Variants in SNX29 observed in about 807,000 individuals in gnomAD.
SNX29 encodes the protein sorting nexin 29.
A neutral mutation model predicts 102.1 loss-of-function variants in SNX29; 78 were observed. The ratio of observed to expected loss-of-function variants is 0.76; its 90% CI spans 0.64 to 0.92. The LOEUF (loss-of-function observed/expected upper bound fraction) is 0.92, where lower values mean the gene tolerates loss of function less well. SNX29 is among the 40% of genes least tolerant of loss of function. The probability of loss-of-function intolerance (pLI) is 0.00; values close to 1 mark genes in which losing one functional copy is unlikely to be tolerated. For synonymous variants in SNX29, 580 were observed against 414.5 expected (o/e 1.40, Z -4.85); for missense variants, 1,280 against 1,061.7 (o/e 1.21, Z -2.86).
At chr16:12,553,169 G>A (rs1178858591) in intron 20 of SNX29, among the ~76,000 whole-genome samples, 6 of 152,168 alleles carry the variant, frequency 3.9e-5, no homozygotes, top group East Asian at 3.9e-4. Flanking sequence ...GGGATTTTTG[G>A]ATCTTTAAGT....
intron 15 of SNX29, among the ~76,000 whole-genome samples, chr16:12,315,699 G>A (rs2080710299): frequency 6.6e-6 from 1 of 152,144 alleles, no homozygotes; most frequent in Non-Finnish European, 1.5e-5. Flanking sequence ...CTACAACTGT[G>A]GGAAGTAGAT....
intron 15 of SNX29, among the ~76,000 whole-genome samples, chr16:12,311,616 C>A (rs114738836): frequency 6.6e-6 from 1 of 152,246 alleles, no homozygotes; most frequent in East Asian, 1.9e-4. Flanking sequence ...CTTGAGATGG[C>A]GTGGCTGGCC....
At chr16:12,421,532 G>A (rs77932920) in intron 18 of SNX29, among the ~76,000 whole-genome samples, 1,776 of 152,262 alleles carry the variant, frequency 0.012, 41 homozygotes, top group African/African-American at 0.04. Flanking sequence ...GAAAACACTG[G>A]CCTCTTACTC....
chr16:12,025,296 C>G (rs374775572), intron 3 of SNX29, among the ~76,000 whole-genome samples: 1,085 of 99,250 alleles, frequency 0.011, 14 homozygotes, highest in African/African-American at 0.048. Context: ...GAGCAAAACT[C>G]CATCTCAAAA....
intron 13 of SNX29, among the ~76,000 whole-genome samples, chr16:12,187,676 C>CAACCCCCTT (rs2076544617): frequency 1.3e-5 from 2 of 152,038 alleles, no homozygotes; most frequent in Admixed American, 6.5e-5. Flanking sequence ...GTTCTCCCCC[C>CAACCCCCTT]AACCCCCTTT....
chr16:12,455,264 G>A (rs1298897123), intron 18 of SNX29, among the ~76,000 whole-genome samples: 2 of 152,180 alleles, frequency 1.3e-5, no homozygotes, highest in African/African-American at 4.8e-5. Context: ...GTCTACGCCT[G>A]GGGTTTCTAA....
intron 19 of SNX29, among the ~76,000 whole-genome samples, chr16:12,512,749 C>A (rs115847631): frequency 0.028 from 4,193 of 152,166 alleles, 137 homozygotes; most frequent in African/African-American, 0.077. Context: ...GTTCACTTCT[C>A]CTCACAGGGC....
At chr16:12,041,364 G>A (rs890220136) in intron 4 of SNX29, among the ~76,000 whole-genome samples, 34 of 152,156 alleles carry the variant, frequency 2.2e-4, no homozygotes, top group African/African-American at 9.7e-5. Flanking sequence ...CGCTCGCATC[G>A]GCCTCCCGGA....
Position 12,329,759 on chromosome 16 carries a change from C to G in SNX29, c.1783-26404C>G, listed in dbSNP as rs2151207180. Among the ~76,000 whole-genome samples, 3 of 152,370 alleles carry G rather than the reference C, an allele frequency of 2.0e-5. 1 individual carries two copies. The Middle Eastern group carries it at 0.01, about 518-fold the overall frequency. On this transcript the variant is annotated intron_variant, in intron 15 of 20. Transcript: ENST00000566228. ...CAGGTGGGATTGAGGTGTTGGCACA[C>G]ATGCCAAGTGGCCCTTCTCTTTTCA...
At chr16:12,291,530 CA>C (rs2079795008) in intron 15 of SNX29, among the ~76,000 whole-genome samples, 1 of 152,202 alleles carries the variant, frequency 6.6e-6, no homozygotes, top group Non-Finnish European at 1.5e-5. Flanking sequence ...CAAACCATAT[CA>C]GTAGGTTTTC....
chr16:12,416,171 G>C (rs8055612), intron 18 of SNX29, among the ~76,000 whole-genome samples: 2,041 of 152,288 alleles, frequency 0.013, 48 homozygotes, highest in African/African-American at 0.046. Context: ...TCTGACCCCA[G>C]AGACTGCTCA....
chr16:12,574,090 G>A lies in SNX29; in HGVS notation c.*5461G>A, dbSNP rs144171185. ...AGTCTGTGGAAACGCCCTGAAACCT[G>A]TAGTATTATCTTAACTACCCTCTTA... is the stretch of plus-strand genomic sequence containing the variant. On this transcript the variant is annotated 3_prime_UTR_variant, in exon 21 of 21. Transcript: ENST00000566228. 1.8e-3 allele frequency: 341 copies of A among 188,644 alleles called. No individual in the cohort carries two copies. Among genetic ancestry groups the A allele is most frequent in the African/African-American group, 7.6e-3 (325 of 42,978 alleles). The allele number at this position is 188,644 out of a possible 1,614,324, so 11.7% of individuals were successfully genotyped here.
At chr16:12,457,568 G>T (rs562288255) in intron 18 of SNX29, among the ~76,000 whole-genome samples, 1 of 152,318 alleles carries the variant, frequency 6.6e-6, no homozygotes, top group Non-Finnish European at 1.5e-5. Flanking sequence ...TTAGGTGGGG[G>T]AAAAGACAAA....
intron 13 of SNX29, among the ~76,000 whole-genome samples, chr16:12,153,820 T>C (rs2055411193): frequency 6.6e-6 from 1 of 152,112 alleles, no homozygotes; most frequent in African/African-American, 2.4e-5. Flanking sequence ...ATGCAGCTTT[T>C]TCCAGAAAGT....
intron 14 of SNX29, among the ~76,000 whole-genome samples, chr16:12,227,552 C>G (rs2077648205): frequency 6.6e-6 from 1 of 152,134 alleles, no homozygotes; most frequent in Admixed American, 6.5e-5. Context: ...TGGAGCTTAT[C>G]TTACACAAAT....
intron 8 of SNX29, among the ~76,000 whole-genome samples, chr16:12,056,848 A>C (rs893885552): frequency 3.3e-5 from 5 of 151,884 alleles, no homozygotes; most frequent in Non-Finnish European, 7.4e-5. Flanking sequence ...TTTTTGAGAC[A>C]GGTCTTGCTC....
rs137949804 is a variant in SNX29, at chr16:12,549,367, C to T, written c.2319-19139C>T. ...AAAATTAGCCATGGGTGGTGGTGTG[C>T]ACCTGTAGTCCCAGCTACTCAGAAG... On this transcript the variant is annotated intron_variant, in intron 20 of 20. Transcript: ENST00000566228. 7.7e-4 allele frequency among the ~76,000 whole-genome samples: 117 copies of T among 152,292 alleles called. 2 individuals are homozygous for T. In the East Asian group the frequency reaches 0.021, roughly 27 times the overall value.
chr16:12,569,427 G>A lies in SNX29; in HGVS notation c.*798G>A, dbSNP rs111376207. ...ACCTAGTAACCCGGCGTCATCCAGC[G>A]TGTCCAAAGTAGCATTGGCCCTACA... On this transcript the variant is annotated 3_prime_UTR_variant, in exon 21 of 21. Coordinates refer to ENST00000566228, the MANE Select transcript of SNX29 (RefSeq NM_032167.5). The A allele has an allele frequency of 2.3e-3, 525 of 230,514 alleles. No homozygotes were observed. Among genetic ancestry groups the A allele is most frequent in the African/African-American group, 9.1e-3 (413 of 45,286 alleles). 14.3% of individuals were successfully genotyped at this position (230,514 alleles called of 1,614,324 possible). A position where few individuals can be genotyped will look rare whatever the true frequency, so the allele number is the denominator to read the frequency against.
intron 4 of SNX29, among the ~76,000 whole-genome samples, chr16:12,035,189 G>A (rs3960254): frequency 6.7e-6 from 1 of 149,386 alleles, no homozygotes; most frequent in Non-Finnish European, 1.5e-5. Context: ...TTAGAAGTCC[G>A]TCTTAGAAAT....
Sources: allele counts gnomAD v4.1 joint callset (sites outside exome capture counted in the v4.1 genomes callset), GRCh38; gene constraint gnomAD v4.1.1; transcripts MANE v1.5; gene names NCBI Gene and HGNC (gene_info 2026-07-23, HGNC 2026-07-21).